Variants in MED13L observed in about 807,000 individuals in gnomAD.
MED13L encodes the protein mediator of RNA polymerase II transcription subunit 13-like.
Under a neutral mutation model 220.9 loss-of-function variants are expected in MED13L, and 7 were observed. The observed-to-expected ratio is 0.03, with a 90% confidence interval of 0.02 to 0.06. The LOEUF (loss-of-function observed/expected upper bound fraction) is 0.06. Ranked by LOEUF, MED13L falls within the 10% of genes least tolerant of loss-of-function variation. MED13L has a pLI of 1.00. For missense variants in MED13L, 1,965 were observed against 2,760.5 expected, an observed-to-expected ratio of 0.71 and a Z score of 6.46; for synonymous variants, 1,011 against 1,015.2, an observed-to-expected ratio of 1.00 and a Z score of 0.08.
Position 115,991,275 on chromosome 12 carries a change from G to A in MED13L, c.3679C>T (p.Leu1227Phe). 1.2e-6 allele frequency: 2 copies of A among 1,614,156 alleles called. No individual in the cohort carries two copies. The highest frequency in any genetic ancestry group is 1.7e-6 in the Non-Finnish European group (2 of 1,180,032). Residue 1227 changes from leucine to phenylalanine, a missense_variant, in exon 17 of 31, where the codon CTC becomes TTC. This residue lies in a region of MED13L where 165 missense variants were observed against 190.8 expected (regional missense o/e 0.86). Coordinates refer to ENST00000281928, the MANE Select transcript of MED13L (RefSeq NM_015335.5). This position sits in a 1 kb window ranked among gnomAD's most constrained non-coding sequence, Gnocchi z 7.7. ...TGTGTGTGTTGATTCTGGAGGAGGA[G>A]GAGAAGGCTTATGGGTGGCTCCTGG... ...KPQEPPISLLLLLQNQHTQPF... is the reference protein window; with the variant it reads ...KPQEPPISLLFLLQNQHTQPF...
At chr12:116,012,265 AT>A (rs1322698735) in intron 9 of MED13L, among the ~76,000 whole-genome samples, 1 of 152,156 alleles carries the variant, frequency 6.6e-6, no homozygotes, top group Non-Finnish European at 1.5e-5. Flanking sequence ...GAATGCAAAA[AT>A]TTTCTACAAA....
chr12:116,098,783 T>C (rs980122398), intron 3 of MED13L, among the ~76,000 whole-genome samples: 1 of 151,988 alleles, frequency 6.6e-6, no homozygotes, highest in African/African-American at 2.4e-5. Context: ...TAAAAAAAAA[T>C]GCTTTTTAGG....
intron 2 of MED13L, among the ~76,000 whole-genome samples, chr12:116,155,586 C>T (rs1378947299): frequency 1.3e-5 from 2 of 152,148 alleles, no homozygotes; most frequent in African/African-American, 2.4e-5. Flanking sequence ...ACGTTTACAA[C>T]ACCAAAATAA....
chr12:116,116,453 CT>C (rs1344791805), intron 2 of MED13L, among the ~76,000 whole-genome samples: 1 of 152,126 alleles, frequency 6.6e-6, no homozygotes, highest in Non-Finnish European at 1.5e-5. Flanking sequence ...GCTCCTGCCC[CT>C]CTCTACATAA....
chr12:116,171,454 G>T (rs1879676315), intron 2 of MED13L, among the ~76,000 whole-genome samples: 1 of 152,126 alleles, frequency 6.6e-6, no homozygotes, highest in African/African-American at 2.4e-5. Context: ...GCCTACAGTG[G>T]AAACTATTTT....
intron 4 of MED13L, among the ~76,000 whole-genome samples, chr12:116,061,294 A>G (rs756117865): frequency 4.6e-5 from 7 of 152,036 alleles, no homozygotes; most frequent in Admixed American, 2.0e-4. Context: ...ATGCATTTTT[A>G]TTTTTAAATA....
chr12:116,132,043 C>A (rs1876113344), intron 2 of MED13L, among the ~76,000 whole-genome samples: 1 of 152,060 alleles, frequency 6.6e-6, no homozygotes, highest in South Asian at 2.1e-4. Context: ...CTGTGGGAGG[C>A]CAAGGCGGGC....
At chr12:115,970,461 C>T (rs1876502997) in intron 27 of MED13L, 133 bp downstream of exon 27, 4 of 859,986 alleles carry the variant, frequency 4.7e-6, no homozygotes, top group East Asian at 5.1e-5. Context: ...GATTCTCAAA[C>T]CTTCTATCCC....
At chr12:116,273,580 C>A (rs1296066321) in intron 1 of MED13L, among the ~76,000 whole-genome samples, 1 of 151,464 alleles carries the variant, frequency 6.6e-6, no homozygotes, top group Non-Finnish European at 1.5e-5. Context: ...AGTAGGTCAA[C>A]AATAGATTAC....
chr12:116,235,393 G>T (rs1869985167), intron 2 of MED13L, among the ~76,000 whole-genome samples: 1 of 151,968 alleles, frequency 6.6e-6, no homozygotes, highest in Non-Finnish European at 1.5e-5. Flanking sequence ...ATTCCCAAGA[G>T]AAAATATTCA....
At chr12:116,258,521 A>G (rs532530294) in intron 1 of MED13L, among the ~76,000 whole-genome samples, 7 of 152,202 alleles carry the variant, frequency 4.6e-5, no homozygotes, top group Admixed American at 4.6e-4. Flanking sequence ...TCACACCTGT[A>G]ATCCCAGCAC....
In MED13L at chr12:116,251,633, C is replaced by T. The variant is rs540344066; in HGVS notation, c.73-13928G>A. On this transcript the variant is annotated intron_variant, in intron 1 of 30. Transcript: ENST00000281928. ...AAACATTAGCCAGCATGGTGGCAGG[C>T]GCCCATAGTCCCAGCTACTCGGGAG... Among the ~76,000 whole-genome samples the T allele has an allele frequency of 9.3e-5, 14 of 151,182 alleles. 4 individuals carry two copies. The highest frequency in any genetic ancestry group is 2.7e-4 in the African/African-American group (11 of 41,192).
At chr12:116,006,443 T>C in intron 11 of MED13L, 32 bp from the exon 12 acceptor site, 2 of 1,551,200 alleles carry the variant, frequency 1.3e-6, no homozygotes, top group Non-Finnish European at 1.8e-6. Context: ...ACAAAACACA[T>C]GAACACCAAC....
At chr12:116,193,915 G>A (rs1263876259) in intron 2 of MED13L, among the ~76,000 whole-genome samples, 1 of 152,140 alleles carries the variant, frequency 6.6e-6, no homozygotes, top group Non-Finnish European at 1.5e-5. Flanking sequence ...AAAGATTAAA[G>A]CTGATCAAAG....
At chr12:116,027,590 C>T (rs1291013377) in intron 4 of MED13L, among the ~76,000 whole-genome samples, 1 of 152,054 alleles carries the variant, frequency 6.6e-6, no homozygotes, top group African/African-American at 2.4e-5. Context: ...CTGAGGAAGC[C>T]CTTGCCTCCT....
chr12:116,180,737 C>CA (rs1482370414), intron 2 of MED13L, among the ~76,000 whole-genome samples: 2 of 151,982 alleles, frequency 1.3e-5, no homozygotes, highest in Non-Finnish European at 2.9e-5. Flanking sequence ...TACTTGTCTA[C>CA]AAAAAAGGTA....
At chr12:116,035,955 A>G (rs1276142296) in intron 4 of MED13L, among the ~76,000 whole-genome samples, 1 of 152,112 alleles carries the variant, frequency 6.6e-6, no homozygotes, top group African/African-American at 2.4e-5. Context: ...TTTAATTTAT[A>G]TGTCCAATGC....
intron 4 of MED13L, among the ~76,000 whole-genome samples, chr12:116,055,277 T>G (rs934160663): frequency 1.4e-4 from 21 of 152,192 alleles, no homozygotes; most frequent in African/African-American, 5.1e-4. Flanking sequence ...AGCTAAACAC[T>G]TATGATGTAC....
chr12:116,265,798 C>T (rs1872786970), intron 1 of MED13L, among the ~76,000 whole-genome samples: 1 of 152,138 alleles, frequency 6.6e-6, no homozygotes, highest in Admixed American at 6.5e-5. Context: ...AAGTGTTCTC[C>T]TACATACCAC....
Sources: gnomAD v4.1 joint callset for allele counts (sites outside exome capture counted in the v4.1 genomes callset) on GRCh38, gnomAD v4.1.1 for gene constraint, gnomAD v4.1.1 regional missense constraint, Gnocchi (gnomAD v3.1) non-coding constraint, MANE v1.5 for transcripts, NCBI Gene and HGNC (gene_info 2026-07-23, HGNC 2026-07-21) for gene names.